FLCN: variants seen among roughly 807,000 people sequenced by gnomAD.
FLCN encodes BHD skin lesion fibrofolliculoma protein.
In FLCN, 22 loss-of-function variants were observed where a neutral mutation model predicts 62.5. The observed-to-expected ratio is 0.35, with a 90% CI of 0.25 to 0.50. The LOEUF is 0.50. FLCN is among the 20% of genes least tolerant of loss of function. FLCN has a pLI of 0.97. For missense variants in FLCN, 657 were observed against 778.0 expected, an observed-to-expected ratio of 0.84 and a Z score of 1.85; for synonymous variants, 319 against 310.0, an observed-to-expected ratio of 1.03 and a Z score of -0.30.
In FLCN at chr17:17,217,127, TG is replaced by T; in HGVS notation, c.1117del (p.Gln373ArgfsTer2). ...CACGTCTCTGCTTTTCCAGATCACC[TG>T]GTTCCCCATGAGAACGTGCCAGGCC... is the stretch of plus-strand genomic sequence containing the variant. ...MLAWHVLMGN[Q>X]VIWKSRDVDL... On this transcript the variant is annotated frameshift_variant, in exon 10 of 14. Transcript: ENST00000285071. LOFTEE classifies it high-confidence loss of function. The T allele has an allele frequency of 6.2e-7, 1 of 1,614,126 alleles. No individual in the cohort carries two copies. Among genetic ancestry groups the T allele is most frequent in the South Asian group, 1.1e-5 (1 of 91,082 alleles).
At position 17,212,386 on chromosome 17, in the gene FLCN, G is replaced by T. The variant is rs1038369584; in HGVS notation, c.*1269C>A. 4.1e-5 allele frequency: 7 copies of T among 172,474 alleles called. No homozygotes were observed. Among genetic ancestry groups the T allele is most frequent in the Non-Finnish European group, 7.4e-5 (6 of 80,586 alleles). 10.7% of individuals were successfully genotyped at this position (172,474 alleles called of 1,614,324 possible). A position where few individuals can be genotyped will look rare whatever the true frequency, so the allele number is the denominator to read the frequency against. On this transcript the variant is annotated 3_prime_UTR_variant, in exon 14 of 14. Coordinates refer to ENST00000285071, the MANE Select transcript of FLCN (RefSeq NM_144997.7). Reference sequence around the variant, plus strand: ...CCTTATTAAAAATGTATAGTGGGGGGTACCTGTAGCTGTATGTTGAAGCAG... The same window carrying T: ...CCTTATTAAAAATGTATAGTGGGGGTTACCTGTAGCTGTATGTTGAAGCAG...
rs879255678 is a variant in FLCN, at chr17:17,215,188, G to T, written c.1429C>A (p.Arg477=). The change falls in exon 12 of 14, where the codon CGA becomes AGA. Residue 477 remains arginine (R), a synonymous_variant. Coordinates refer to ENST00000285071, the MANE Select transcript of FLCN (RefSeq NM_144997.7). ...CACTCTGCCTGGGGGCACCCACCTC[G>T]GTCTGCAGCTACAGGGCTCCCACTG... The part of the protein sequence containing the change: ...VTSGSPVAAD[R]VGPTILNKIE... The T allele has an allele frequency of 1.2e-6, 2 of 1,614,106 alleles. No homozygotes were observed. The highest frequency in any genetic ancestry group is 1.1e-5 in the South Asian group (1 of 91,082).
At chr17:17,221,175 A>C (rs2047073181) in intron 8 of FLCN, 1 of 1,472,880 alleles carries the variant, frequency 6.8e-7, no homozygotes, top group South Asian at 1.4e-5. Flanking sequence ...ACGAACTGAA[A>C]CAGAACACTT....
Position 17,216,761 on chromosome 17 carries a change from T to A in FLCN, c.1177-258A>T, listed in dbSNP as rs1395692757. ...CCTCGCTCTGTGGTGTTAACTCATATTAATGTTTGCCTGCACAGATGTTTG... is the reference window on the plus strand; with the variant it reads ...CCTCGCTCTGTGGTGTTAACTCATAATAATGTTTGCCTGCACAGATGTTTG... On this transcript the variant is annotated intron_variant, in intron 10 of 13. Coordinates refer to ENST00000285071, the MANE Select transcript of FLCN (RefSeq NM_144997.7). The surrounding 1 kb of genome is among the most constrained non-coding windows in gnomAD (Gnocchi z 4.0). Among the ~76,000 whole-genome samples, 1 of 152,226 alleles carries A rather than the reference T, an allele frequency of 6.6e-6. No individual in the cohort carries two copies. The highest frequency in any genetic ancestry group is 6.5e-5 in the Admixed American group (1 of 15,280).
intron 3 of FLCN, 56 bp from the exon 4 acceptor site, chr17:17,228,217 T>C (rs1335510126): frequency 5.8e-6 from 9 of 1,555,742 alleles, no homozygotes; most frequent in Non-Finnish European, 7.8e-6. Context: ...CCATGAAACC[T>C]CCCCAGCCCC....
At position 17,216,664 on chromosome 17, in the gene FLCN, G is replaced by T. The variant is rs1234665774; in HGVS notation, c.1177-161C>A. On this transcript the variant is annotated intron_variant, in intron 10 of 13. Transcript: ENST00000285071. This position sits in a 1 kb window ranked among gnomAD's most constrained non-coding sequence, Gnocchi z 4.0. ...ACTCTCAGCCCACAGTGGGGGTGAG[G>T]GGGGAGGGTCCTCCACCACCAGGTC... is the stretch of plus-strand genomic sequence containing the variant. Among the ~76,000 whole-genome samples the T allele has an allele frequency of 6.6e-6, 1 of 152,104 alleles. No individual in the cohort carries two copies. Among genetic ancestry groups the T allele is most frequent in the Non-Finnish European group, 1.5e-5 (1 of 68,008 alleles).
In FLCN at chr17:17,217,144, G is replaced by A. The variant is rs1451481907; in HGVS notation, c.1101C>T (p.His367=). The A allele has an allele frequency of 4.3e-6, 7 of 1,613,956 alleles. No homozygotes were observed. The Admixed American group carries it at 6.7e-5, about 15-fold the overall frequency. Residue 367 remains histidine (H), a synonymous_variant, in exon 10 of 14, where the codon CAC becomes CAT. Coordinates refer to ENST00000285071, the MANE Select transcript of FLCN (RefSeq NM_144997.7). ...GAPSFRMLAW[H]VLMGNQVIWK... The stretch of plus-strand genomic sequence containing the variant: ...AGATCACCTGGTTCCCCATGAGAAC[G>A]TGCCAGGCCAGCATGCGGAAAGAAG...
chr17:17,218,629 CCT>C (rs2046994612), intron 9 of FLCN, among the ~76,000 whole-genome samples: 1 of 152,076 alleles, frequency 6.6e-6, no homozygotes, highest in African/African-American at 2.4e-5. Context: ...ATCCGCTCCC[CCT>C]TGGCCTCCCA....
At chr17:17,222,874 T>G (rs1211034010) in intron 6 of FLCN, 3 of 623,846 alleles carry the variant, frequency 4.8e-6, no homozygotes, top group Non-Finnish European at 8.6e-6. Flanking sequence ...AGAACAGAAA[T>G]CGGTTGAGCT....
intron 7 of FLCN, 42 bp downstream of exon 7, chr17:17,222,459 C>G (rs774813315): frequency 6.8e-6 from 11 of 1,613,516 alleles, no homozygotes; most frequent in Non-Finnish European, 9.3e-6. Context: ...ATCGTGACTG[C>G]TCTATCCTAA....
Position 17,237,132 on chromosome 17 carries a change from G to C in FLCN, c.-448C>G, listed in dbSNP as rs923415859. 3 of 152,218 alleles carry C rather than the reference G, an allele frequency of 2.0e-5. No individual in the cohort carries two copies. Among genetic ancestry groups the C allele is most frequent in the African/African-American group, 4.8e-5 (2 of 41,418 alleles). The allele number at this position is 152,218 out of a possible 1,614,324, so 9.4% of individuals were successfully genotyped here. A position where few individuals can be genotyped will look rare whatever the true frequency, so the allele number is the denominator to read the frequency against. On this transcript the variant is annotated 5_prime_UTR_variant, in exon 1 of 14. Transcript: ENST00000285071. ...CTCTCAGGGGAGCTGGCAGAACCAG[G>C]AGCGACCACACTCACTCGCGGTCCC...
At position 17,228,095 on chromosome 17, in the gene FLCN, C is replaced by T. The variant is rs539468848; in HGVS notation, c.43G>A (p.Gly15Ser). The change falls in exon 4 of 14, where the codon GGC becomes AGC. Residue 15 changes from glycine (G) to serine (S), a missense_variant. Coordinates refer to ENST00000285071, the MANE Select transcript of FLCN (RefSeq NM_144997.7). Reference protein sequence around the residue: ...VALCHFCELHGPRTLFCTEVL... With the variant: ...VALCHFCELHSPRTLFCTEVL... ...TCCGTGCAGAAGAGAGTGCGGGGGC[C>T]GTGGAGCTCGCAGAAGTGGCAGAGA... is the stretch of plus-strand genomic sequence containing the variant. The T allele has an allele frequency of 1.7e-5, 28 of 1,613,426 alleles. No homozygotes were observed. The highest frequency in any genetic ancestry group is 2.1e-5 in the Non-Finnish European group (25 of 1,180,038).
chr17:17,217,250 G>A (rs2046955052), intron 9 of FLCN, 68 bp from the exon 10 acceptor site: 4 of 1,056,896 alleles, frequency 3.8e-6, no homozygotes, highest in South Asian at 2.6e-5. Flanking sequence ...TTCCCATGAA[G>A]TTATTTGTGT....
At chr17:17,224,999 G>A in intron 5 of FLCN, 1 of 152,580 alleles carries the variant, frequency 6.6e-6, no homozygotes. Context: ...CAGCCACACT[G>A]AATGAGAACA....
intron 4 of FLCN, among the ~76,000 whole-genome samples, chr17:17,227,134 G>A (rs773237073): frequency 7.9e-5 from 12 of 152,188 alleles, no homozygotes; most frequent in Admixed American, 6.5e-5. Flanking sequence ...AGAACCAAAA[G>A]AACAAGCTTG....
chr17:17,224,210 T>C (rs2047184781), intron 5 of FLCN, 67 bp from the exon 6 acceptor site: 5 of 1,380,954 alleles, frequency 3.6e-6, no homozygotes, highest in Non-Finnish European at 4.0e-6. Flanking sequence ...AAGCCTCTTC[T>C]TCAGACTTTT....
At chr17:17,223,559 CCTGAG>C (rs2047157935) in intron 6 of FLCN, among the ~76,000 whole-genome samples, 1 of 152,208 alleles carries the variant, frequency 6.6e-6, no homozygotes, top group South Asian at 2.1e-4. Flanking sequence ...CCTGGCCTGG[CCTGAG>C]CTGCATCTCC....
In FLCN at chr17:17,222,247, G is replaced by A. The variant is rs1299094744; in HGVS notation, c.779+254C>T. Among the ~76,000 whole-genome samples the A allele has an allele frequency of 5.0e-4, 76 of 152,132 alleles. 1 individual carries two copies. The highest frequency in any genetic ancestry group is 5.0e-3 in the Admixed American group (76 of 15,274). ...AGCTACTTGGGAGGCTGGGGCAGGA[G>A]AATCACTTGAACCCAGGAAGAAGTG... On this transcript the variant is annotated intron_variant, in intron 7 of 13. Coordinates refer to ENST00000285071, the MANE Select transcript of FLCN (RefSeq NM_144997.7).
chr17:17,234,207 T>TTG (rs111444648), intron 1 of FLCN, among the ~76,000 whole-genome samples: 5 of 146,032 alleles, frequency 3.4e-5, no homozygotes, highest in Admixed American at 6.7e-5. Flanking sequence ...TGTTTTGTTT[T>TTG]TTTTTGGTTT....
Sources: allele counts gnomAD v4.1 joint callset (sites outside exome capture counted in the v4.1 genomes callset), GRCh38; gene constraint gnomAD v4.1.1; non-coding constraint Gnocchi (gnomAD v3.1); transcripts MANE v1.5; gene names NCBI Gene and HGNC (gene_info 2026-07-23, HGNC 2026-07-21).